Variants in TRPM3 observed in about 807,000 individuals in gnomAD.
TRPM3 encodes the protein transient receptor potential cation channel subfamily M member 3.
A neutral mutation model predicts 181.2 loss-of-function variants in TRPM3; 77 were observed. The ratio of observed to expected loss-of-function variants is 0.42; its 90% CI spans 0.35 to 0.51. The LOEUF (loss-of-function observed/expected upper bound fraction) is 0.51. Ranked by LOEUF, TRPM3 falls within the 20% of genes least tolerant of loss-of-function variation. TRPM3 has a pLI of 0.01. For synonymous variants in TRPM3, 745 were observed against 796.4 expected, an observed-to-expected ratio of 0.94 and a Z score of 1.09; for missense variants, 1,759 against 2,196.7, an observed-to-expected ratio of 0.80 and a Z score of 3.98.
intron 1 of TRPM3, among the ~76,000 whole-genome samples, chr9:71,140,457 T>G (rs1371380586): frequency 6.6e-6 from 1 of 152,168 alleles, no homozygotes; most frequent in African/African-American, 2.4e-5. Flanking sequence ...ATTCTCTGAA[T>G]CTGTTCCAAT....
At chr9:70,892,237 G>C (rs1428214131) in intron 1 of TRPM3, among the ~76,000 whole-genome samples, 3 of 152,080 alleles carry the variant, frequency 2.0e-5, no homozygotes, top group Non-Finnish European at 4.4e-5. Context: ...TTAGCCACAA[G>C]TGAATTATAC....
At chr9:70,934,893 G>A (rs916196829) in intron 1 of TRPM3, among the ~76,000 whole-genome samples, 2 of 151,970 alleles carry the variant, frequency 1.3e-5, no homozygotes, top group African/African-American at 4.8e-5. Flanking sequence ...AAAACAAGGA[G>A]CCACAAAAAA....
intron 6 of TRPM3, among the ~76,000 whole-genome samples, chr9:70,790,801 T>G (rs2085193962): frequency 6.6e-6 from 1 of 152,304 alleles, no homozygotes; most frequent in Middle Eastern, 3.4e-3. Flanking sequence ...TTAGTAAGTT[T>G]AAGGTGCTTC....
chr9:71,166,997 A>T (rs114895531), intron 1 of TRPM3, among the ~76,000 whole-genome samples: 55 of 152,316 alleles, frequency 3.6e-4, no homozygotes, highest in African/African-American at 1.3e-3. Flanking sequence ...TTGTTTGAGA[A>T]AAATGAGGTA....
rs548869666 is a variant in TRPM3 at position 70,529,532 on chromosome 9, A to G, written c.*6421T>C. 6 of 152,374 alleles carry G rather than the reference A, an allele frequency of 3.9e-5. No individual in the cohort carries two copies. The East Asian group carries it at 1.2e-3, about 29-fold the overall frequency. The allele number at this position is 152,374 out of a possible 1,614,324, so 9.4% of individuals were successfully genotyped here. A position where few individuals can be genotyped will look rare whatever the true frequency, so the allele number is the denominator to read the frequency against. On this transcript the variant is annotated 3_prime_UTR_variant, in exon 26 of 26. Transcript: ENST00000677713. Reference sequence around the variant, plus strand: ...AACTCAGGTCAGACGCAGTAGTGACAGGAAGCAGGTAAGTCTTCATACCAT... The same window carrying G: ...AACTCAGGTCAGACGCAGTAGTGACGGGAAGCAGGTAAGTCTTCATACCAT...
At chr9:70,658,509 T>G (rs2060675877) in intron 9 of TRPM3, among the ~76,000 whole-genome samples, 1 of 152,130 alleles carries the variant, frequency 6.6e-6, no homozygotes, top group Non-Finnish European at 1.5e-5. Context: ...ATGTTATTGG[T>G]ATGTGTTTCA....
intron 1 of TRPM3, among the ~76,000 whole-genome samples, chr9:71,217,377 A>ATG (rs1003199555): frequency 1.3e-5 from 2 of 152,140 alleles, no homozygotes; most frequent in African/African-American, 4.8e-5. Context: ...GCACTAAAGT[A>ATG]TGTGTGTGTC....
At chr9:71,163,848 A>AT (rs969113008) in intron 1 of TRPM3, among the ~76,000 whole-genome samples, 3 of 152,142 alleles carry the variant, frequency 2.0e-5, no homozygotes, top group Non-Finnish European at 2.9e-5. Flanking sequence ...AAAGAAAGAG[A>AT]TTTTTAGTAG....
At chr9:71,390,440 G>A (rs946304007) in intron 1 of TRPM3, among the ~76,000 whole-genome samples, 5 of 151,864 alleles carry the variant, frequency 3.3e-5, no homozygotes, top group African/African-American at 9.7e-5. Context: ...TTAGTTACTC[G>A]CAAATGTTTA....
intron 1 of TRPM3, among the ~76,000 whole-genome samples, chr9:71,260,192 G>C (rs1478834830): frequency 6.6e-6 from 1 of 152,132 alleles, no homozygotes; most frequent in Non-Finnish European, 1.5e-5. Flanking sequence ...GATTGTTGTA[G>C]ATGTATGGTG....
chr9:71,174,012 A>G (rs1482862300), intron 1 of TRPM3, among the ~76,000 whole-genome samples: 1 of 152,190 alleles, frequency 6.6e-6, no homozygotes, highest in Non-Finnish European at 1.5e-5. Context: ...AAAATACTCC[A>G]GAATCTGCAG....
intron 1 of TRPM3, among the ~76,000 whole-genome samples, chr9:71,219,036 C>A (rs1400457632): frequency 6.6e-6 from 1 of 152,152 alleles, no homozygotes; most frequent in Non-Finnish European, 1.5e-5. Context: ...CTAATTTAAC[C>A]AAGTCTAAAG....
intron 1 of TRPM3, among the ~76,000 whole-genome samples, chr9:71,161,935 C>T (rs1276695301): frequency 1.3e-5 from 2 of 152,002 alleles, no homozygotes; most frequent in East Asian, 3.9e-4. Flanking sequence ...GGTATGGGAG[C>T]TCGTGCCTGT....
intron 8 of TRPM3, among the ~76,000 whole-genome samples, chr9:70,694,735 C>T (rs2069753741): frequency 6.6e-6 from 1 of 152,230 alleles, no homozygotes; most frequent in Admixed American, 6.5e-5. Context: ...CCGCCTCGGC[C>T]TCCCAAAGTG....
At chr9:70,739,071 C>A (rs1474767029) in intron 8 of TRPM3, among the ~76,000 whole-genome samples, 2 of 152,024 alleles carry the variant, frequency 1.3e-5, no homozygotes, top group Admixed American at 6.6e-5. Context: ...GAATGGGTAC[C>A]AATCCTATTG....
intron 1 of TRPM3, among the ~76,000 whole-genome samples, chr9:71,215,496 C>T (rs562507297): frequency 6.6e-6 from 1 of 152,322 alleles, no homozygotes; most frequent in African/African-American, 2.4e-5. Flanking sequence ...GCTGCCTAAA[C>T]TTCCCTTATG....
At chr9:70,618,728 G>A (rs2063164563) in intron 17 of TRPM3, 139 bp downstream of exon 17, 2 of 751,838 alleles carry the variant, frequency 2.7e-6, no homozygotes, top group East Asian at 2.7e-5. Flanking sequence ...CACTCTACAG[G>A]ATTCTGAGGC....
intron 1 of TRPM3, among the ~76,000 whole-genome samples, chr9:71,269,363 G>A (rs1349642293): frequency 3.0e-5 from 1 of 33,552 alleles, no homozygotes; most frequent in Non-Finnish European, 6.1e-5. Context: ...GAGGGACTCA[G>A]CAGGGGCATG....
At chr9:70,655,309 A>AAAG in intron 9 of TRPM3, among the ~76,000 whole-genome samples, 1 of 135,298 alleles carries the variant, frequency 7.4e-6, no homozygotes, top group Non-Finnish European at 1.5e-5. Flanking sequence ...CCGTCTCAAA[A>AAAG]AAAAAAAAAA....
Sources: gnomAD v4.1 joint callset for allele counts (sites outside exome capture counted in the v4.1 genomes callset) on GRCh38, gnomAD v4.1.1 for gene constraint, MANE v1.5 for transcripts, NCBI Gene and HGNC (gene_info 2026-07-23, HGNC 2026-07-21) for gene names.